CNTN5: variants seen among roughly 807,000 people sequenced by gnomAD.
CNTN5 encodes contactin 5.
A neutral mutation model predicts 129.1 loss-of-function variants in CNTN5; 77 were observed. The observed-to-expected ratio is 0.60, with a 90% CI of 0.50 to 0.72. CNTN5 has a LOEUF of 0.72. Among genes scored for constraint, CNTN5 ranks in the 30% least tolerant of loss-of-function variants. The pLI is 0.00. For synonymous variants in CNTN5, 509 were observed against 465.6 expected (o/e 1.09, Z -1.20); for missense variants, 1,478 against 1,328.8 (o/e 1.11, Z -1.75).
At chr11:99,906,205 TC>T (rs1166212458) in intron 6 of CNTN5, among the ~76,000 whole-genome samples, 1 of 152,184 alleles carries the variant, frequency 6.6e-6, no homozygotes, top group Non-Finnish European at 1.5e-5. Context: ...GGCATCCTTG[TC>T]TTGTGCCGGT....
intron 21 of CNTN5, among the ~76,000 whole-genome samples, chr11:100,313,371 T>C (rs561612366): frequency 6.6e-6 from 1 of 151,442 alleles, no homozygotes; most frequent in East Asian, 1.9e-4. Context: ...GATTTGCTGA[T>C]TGATCTGATG....
chr11:99,861,953 G>T (rs1396170862), intron 6 of CNTN5, among the ~76,000 whole-genome samples: 1 of 152,080 alleles, frequency 6.6e-6, no homozygotes. Context: ...AAGTTTAGAA[G>T]CCAAGCTTTA....
At chr11:99,826,969 G>T (rs1946980105) in intron 4 of CNTN5, among the ~76,000 whole-genome samples, 1 of 152,182 alleles carries the variant, frequency 6.6e-6, no homozygotes, top group Non-Finnish European at 1.5e-5. Context: ...AGCAGTAGTA[G>T]CAGAGATAAA....
At chr11:99,140,899 AT>A (rs71046669) in intron 1 of CNTN5, among the ~76,000 whole-genome samples, 1 of 149,742 alleles carries the variant, frequency 6.7e-6, no homozygotes, top group Non-Finnish European at 1.5e-5. Context: ...ATTTTCTAGT[AT>A]TTTTTTTTTG....
At chr11:99,925,447 C>G (rs1950039489) in intron 7 of CNTN5, among the ~76,000 whole-genome samples, 1 of 152,164 alleles carries the variant, frequency 6.6e-6, no homozygotes, top group Non-Finnish European at 1.5e-5. Flanking sequence ...TTTTAACACT[C>G]CTTCATTGTA....
intron 15 of CNTN5, among the ~76,000 whole-genome samples, chr11:100,212,734 C>A (rs112350470): frequency 0.021 from 3,217 of 152,034 alleles, 110 homozygotes; most frequent in African/African-American, 0.073. Context: ...TGATTTTTTT[C>A]ATTTATATTC....
chr11:99,855,701 A>AG (rs1012481458), intron 6 of CNTN5, among the ~76,000 whole-genome samples: 19 of 152,200 alleles, frequency 1.2e-4, no homozygotes, highest in Non-Finnish European at 2.8e-4. Context: ...TTCTTCTTCC[A>AG]GGGAAATATT....
chr11:100,254,561 T>C (rs1253023086), intron 16 of CNTN5, among the ~76,000 whole-genome samples: 3 of 152,182 alleles, frequency 2.0e-5, no homozygotes, highest in Admixed American at 2.0e-4. Context: ...CATCTGCTGG[T>C]GGTTCTTCTC....
At chr11:99,112,040 T>A (rs1252835584) in intron 1 of CNTN5, among the ~76,000 whole-genome samples, 1 of 152,050 alleles carries the variant, frequency 6.6e-6, no homozygotes, top group East Asian at 1.9e-4. Flanking sequence ...ATTATTTTAA[T>A]AAAATAGATT....
At chr11:100,330,521 T>C (rs1027634646) in intron 21 of CNTN5, among the ~76,000 whole-genome samples, 6 of 152,132 alleles carry the variant, frequency 3.9e-5, no homozygotes, top group South Asian at 2.1e-4. Flanking sequence ...CCTAGGCACA[T>C]AGTCATCATG....
At chr11:99,512,676 G>A (rs575163378) in intron 2 of CNTN5, among the ~76,000 whole-genome samples, 4 of 152,016 alleles carry the variant, frequency 2.6e-5, no homozygotes, top group African/African-American at 2.4e-5. Context: ...TGCCTGTTAC[G>A]GTGATCAGTG....
intron 3 of CNTN5, among the ~76,000 whole-genome samples, chr11:99,588,301 G>A (rs1008935475): frequency 7.7e-6 from 1 of 130,498 alleles, no homozygotes; most frequent in African/African-American, 2.9e-5. Flanking sequence ...CCAAGATAGC[G>A]CCACTGCACT....
intron 13 of CNTN5, among the ~76,000 whole-genome samples, chr11:100,148,285 A>G (rs558274131): frequency 4.6e-5 from 7 of 152,296 alleles, no homozygotes; most frequent in Admixed American, 3.9e-4. Flanking sequence ...CTCAGCCCCC[A>G]AATCAGTATC....
At chr11:99,424,456 C>T (rs916167424) in intron 2 of CNTN5, among the ~76,000 whole-genome samples, 11 of 152,312 alleles carry the variant, frequency 7.2e-5, no homozygotes, top group South Asian at 4.1e-4. Context: ...AGGTGTGGAG[C>T]GGCAAGGGGT....
At chr11:100,298,983 C>T (rs921536785) in intron 19 of CNTN5, among the ~76,000 whole-genome samples, 179 bp from the exon 20 acceptor site, 1 of 151,414 alleles carries the variant, frequency 6.6e-6, no homozygotes, top group Non-Finnish European at 1.5e-5. Context: ...ACCTTTAAAG[C>T]TTTTTAACTT....
intron 1 of CNTN5, among the ~76,000 whole-genome samples, chr11:99,078,598 A>G (rs1169824631): frequency 6.6e-6 from 1 of 152,242 alleles, no homozygotes; most frequent in African/African-American, 2.4e-5. Flanking sequence ...ACAATGAAGT[A>G]CTATTCAGTC....
rs1341830511 is a variant in CNTN5, at chr11:100,196,052, T to G, written c.1884+2389T>G. On this transcript the variant is annotated intron_variant, in intron 15 of 24. Coordinates refer to ENST00000524871, the MANE Select transcript of CNTN5 (RefSeq NM_014361.4). ...TGAGAAGAGAGCCAAGTGGGGTGAC[T>G]CAAGGTCTGCTTTGAGTTTCCAAGA... is the stretch of plus-strand genomic sequence containing the variant. 2.6e-5 allele frequency among the ~76,000 whole-genome samples: 4 copies of G among 152,002 alleles called. No homozygotes were observed. In the East Asian group the frequency reaches 7.8e-4, roughly 30 times the overall value.
intron 1 of CNTN5, among the ~76,000 whole-genome samples, chr11:99,157,656 A>C (rs77231363): frequency 0.015 from 2,219 of 152,222 alleles, 68 homozygotes; most frequent in East Asian, 0.088. Flanking sequence ...AAAATAATTA[A>C]AGCAAAAACT....
intron 2 of CNTN5, among the ~76,000 whole-genome samples, chr11:99,477,027 A>G (rs1166536710): frequency 6.6e-6 from 1 of 151,926 alleles, no homozygotes; most frequent in Non-Finnish European, 1.5e-5. Context: ...CTTTAAAAAA[A>G]ATTTATCCAT....
Sources: gnomAD v4.1 joint callset for allele counts (sites outside exome capture counted in the v4.1 genomes callset) on GRCh38, gnomAD v4.1.1 for gene constraint, MANE v1.5 for transcripts, NCBI Gene and HGNC (gene_info 2026-07-23, HGNC 2026-07-21) for gene names.